Variants in NCALD observed in about 807,000 individuals in gnomAD.
NCALD encodes the protein neurocalcin delta.
In NCALD, 10 loss-of-function variants were observed where a neutral mutation model predicts 18.6. The ratio of observed to expected loss-of-function variants is 0.54; its 90% CI spans 0.33 to 0.91. The LOEUF (loss-of-function observed/expected upper bound fraction) is 0.91, where lower values mean the gene tolerates loss of function less well. Among genes scored for constraint, NCALD ranks in the 40% least tolerant of loss-of-function variants. The probability of loss-of-function intolerance (pLI) is 0.03; values close to 1 mark genes in which losing one functional copy is unlikely to be tolerated. For synonymous variants in NCALD, 88 were observed against 87.4 expected, an observed-to-expected ratio of 1.01 and a Z score of -0.04; for missense variants, 184 against 247.6, an observed-to-expected ratio of 0.74 and a Z score of 1.72.
intron 1 of NCALD, among the ~76,000 whole-genome samples, chr8:101,780,271 G>T (rs754641936): frequency 2.6e-5 from 4 of 152,150 alleles, no homozygotes; most frequent in Non-Finnish European, 5.9e-5. Context: ...ACTGGGTTAA[G>T]TAAGTGATTT....
intron 2 of NCALD, among the ~76,000 whole-genome samples, chr8:101,700,801 G>A (rs1357235684): frequency 6.6e-6 from 1 of 152,148 alleles, no homozygotes. Context: ...ACGAGAATCA[G>A]TTAATACAAC....
At position 101,783,670 on chromosome 8, in the gene NCALD, C is replaced by T. The variant is rs906231316; in HGVS notation, c.-20+7192G>A. On this transcript the variant is annotated intron_variant, in intron 1 of 3. Transcript: ENST00000220931. ...CTATGATGGTCTAGGACAGATGATA[C>T]GAGTACTGCCATCCACACTGCACTC... Among the ~76,000 whole-genome samples the T allele has an allele frequency of 5.9e-5, 9 of 152,170 alleles. No homozygotes were observed. In the South Asian group the frequency reaches 6.2e-4, roughly 11 times the overall value.
chr8:101,840,394 G>A (rs1019721116), intron 4 of NCALD, among the ~76,000 whole-genome samples: 7 of 152,138 alleles, frequency 4.6e-5, no homozygotes, highest in Admixed American at 6.5e-5. Flanking sequence ...CTGCTTGGTA[G>A]GTCTTGTAAT....
rs905429246 is a variant in NCALD at position 101,958,019 on chromosome 8, T to A, written c.-156-42161A>T. Among the ~76,000 whole-genome samples the A allele has an allele frequency of 2.0e-5, 3 of 152,180 alleles. No individual in the cohort carries two copies. In the East Asian group the frequency reaches 5.8e-4, roughly 29 times the overall value. On this transcript the variant is annotated intron_variant, in intron 2 of 6. Transcript: ENST00000311028. ...TCGCCCATACTATTTTACTTCTGTGTCAGCGTAGCTCAGGGTTCAAACTCT... is the reference window on the plus strand; with the variant it reads ...TCGCCCATACTATTTTACTTCTGTGACAGCGTAGCTCAGGGTTCAAACTCT...
chr8:101,795,844 C>G (rs1812618595), upstream of NCALD, among the ~76,000 whole-genome samples: 1 of 152,044 alleles, frequency 6.6e-6, no homozygotes, highest in Non-Finnish European at 1.5e-5. Context: ...AGATTGTAGA[C>G]AGAGAGAAAA....
At chr8:101,714,922 G>A (rs1333831032) in intron 2 of NCALD, among the ~76,000 whole-genome samples, 17 of 150,432 alleles carry the variant, frequency 1.1e-4, no homozygotes, top group East Asian at 2.0e-4. Flanking sequence ...GCGTGAACCC[G>A]GGAAGCGGAG....
chr8:102,094,282 T>C (rs761013400), intron 1 of NCALD, among the ~76,000 whole-genome samples: 14 of 152,198 alleles, frequency 9.2e-5, no homozygotes, highest in Non-Finnish European at 2.1e-4. Context: ...AAGTAGGAAA[T>C]AGCATTAAAT....
chr8:101,778,082 CA>C (rs1430635063), intron 1 of NCALD, among the ~76,000 whole-genome samples: 2 of 152,164 alleles, frequency 1.3e-5, no homozygotes, highest in African/African-American at 4.8e-5. Flanking sequence ...TACAGAAAGG[CA>C]GTACATAAAA....
At chr8:101,715,440 C>T (rs1443281846) in intron 2 of NCALD, among the ~76,000 whole-genome samples, 1 of 151,994 alleles carries the variant, frequency 6.6e-6, no homozygotes, top group African/African-American at 2.4e-5. Flanking sequence ...ATGACTAAAA[C>T]ACCAAAAGCA....
At chr8:101,805,429 T>C (rs1245312862) in intron 4 of NCALD, among the ~76,000 whole-genome samples, 2 of 152,144 alleles carry the variant, frequency 1.3e-5, no homozygotes, top group Non-Finnish European at 2.9e-5. Flanking sequence ...CTATCCTCCA[T>C]TCATAAGGCA....
intron 4 of NCALD, among the ~76,000 whole-genome samples, chr8:101,815,443 TAA>T (rs1000043469): frequency 6.6e-6 from 1 of 152,062 alleles, no homozygotes; most frequent in Non-Finnish European, 1.5e-5. Flanking sequence ...AAAGGACTCT[TAA>T]AACTCAACAA....
At chr8:101,826,490 T>C (rs947705477) in intron 4 of NCALD, among the ~76,000 whole-genome samples, 1 of 152,248 alleles carries the variant, frequency 6.6e-6, no homozygotes, top group Admixed American at 6.5e-5. Flanking sequence ...ACTAGGTTTT[T>C]AGCATCATGC....
At chr8:102,005,721 T>C (rs1821675888) in intron 2 of NCALD, among the ~76,000 whole-genome samples, 1 of 152,152 alleles carries the variant, frequency 6.6e-6, no homozygotes, top group Non-Finnish European at 1.5e-5. Flanking sequence ...CTTCGTGTCC[T>C]TTGTAGGGAC....
intron 1 of NCALD, among the ~76,000 whole-genome samples, chr8:101,747,304 G>T (rs1191779960): frequency 2.0e-5 from 3 of 152,212 alleles, no homozygotes; most frequent in Admixed American, 6.5e-5. Flanking sequence ...ATCAGGAAAG[G>T]ACAGCTGCTA....
At chr8:101,782,446 A>G (rs1205797365) in intron 1 of NCALD, among the ~76,000 whole-genome samples, 1 of 152,148 alleles carries the variant, frequency 6.6e-6, no homozygotes, top group Non-Finnish European at 1.5e-5. Context: ...AGTCACTAAA[A>G]TATTCTCACC....
chr8:101,877,036 TTTAAGTC>T (rs1167695343), intron 4 of NCALD, among the ~76,000 whole-genome samples: 1 of 152,218 alleles, frequency 6.6e-6, no homozygotes, highest in Admixed American at 6.5e-5. Flanking sequence ...CCACAAAGTC[TTTAAGTC>T]TTAAGTAAAA....
At chr8:101,704,423 G>C (rs1256186989) in intron 2 of NCALD, among the ~76,000 whole-genome samples, 1 of 152,138 alleles carries the variant, frequency 6.6e-6, no homozygotes, top group Non-Finnish European at 1.5e-5. Flanking sequence ...GGGAAATGTG[G>C]TAAGAGTGTA....
At chr8:102,105,724 G>C (rs541513707) in intron 1 of NCALD, among the ~76,000 whole-genome samples, 1 of 152,242 alleles carries the variant, frequency 6.6e-6, no homozygotes, top group South Asian at 2.1e-4. Flanking sequence ...GCTGTACTTT[G>C]ATTCACTGTC....
chr8:102,045,568 A>G (rs1044854281), intron 1 of NCALD, among the ~76,000 whole-genome samples: 1 of 152,250 alleles, frequency 6.6e-6, no homozygotes, highest in Admixed American at 6.5e-5. Context: ...CATCACCATT[A>G]TCATCACCAA....
Sources: allele counts gnomAD v4.1 joint callset (sites outside exome capture counted in the v4.1 genomes callset), GRCh38; gene constraint gnomAD v4.1.1; transcripts MANE v1.5; gene names NCBI Gene and HGNC (gene_info 2026-07-23, HGNC 2026-07-21).